Variants in XIRP2 observed in about 807,000 individuals in gnomAD.
XIRP2 encodes xin actin-binding repeat-containing protein 2.
XIRP2 carries 236 observed loss-of-function variants against 277.0 expected under a neutral mutation model. That is an observed-to-expected ratio of 0.85 (90% CI 0.77 to 0.95). XIRP2 has a LOEUF of 0.95. Among genes scored for constraint, XIRP2 ranks in the 40% least tolerant of loss-of-function variants. XIRP2 has a pLI of 0.00. For missense variants in XIRP2, 4,640 were observed against 4,157.5 expected (o/e 1.12, Z -3.19); for synonymous variants, 1,490 against 1,416.5 (o/e 1.05, Z -1.17).
At chr2:166,916,031 C>G (rs1173060709) in intron 2 of XIRP2, among the ~76,000 whole-genome samples, 1 of 152,120 alleles carries the variant, frequency 6.6e-6, no homozygotes, top group Non-Finnish European at 1.5e-5. Flanking sequence ...GACCATGAAC[C>G]TACATGTGCA....
intron 2 of XIRP2, among the ~76,000 whole-genome samples, chr2:167,036,468 C>T (rs1236263475): frequency 6.6e-6 from 1 of 152,116 alleles, no homozygotes; most frequent in African/African-American, 2.4e-5. Context: ...CCTGTAACCC[C>T]CTTTTCTTTT....
chr2:166,954,312 A>G (rs1316497844), intron 2 of XIRP2, among the ~76,000 whole-genome samples: 1 of 152,042 alleles, frequency 6.6e-6, no homozygotes, highest in Non-Finnish European at 1.5e-5. Flanking sequence ...CATTAGAAAT[A>G]TTAAGAATTA....
rs144855628 is a variant in XIRP2, at chr2:166,920,176, G to T, written c.408+16286G>T. Among the ~76,000 whole-genome samples, 367 of 152,226 alleles carry T rather than the reference G, an allele frequency of 2.4e-3. 6 individuals are homozygous for T. Among genetic ancestry groups the T allele is most frequent in the Admixed American group, 0.018 (279 of 15,284 alleles). On this transcript the variant is annotated intron_variant, in intron 2 of 10. Transcript: ENST00000409195. ...GTATCTACCAGGTACTGAGCTGAAG[G>T]CCTCATGAGCGCTGCCCTCATTTAA... is the stretch of plus-strand genomic sequence containing the variant.
intron 2 of XIRP2, among the ~76,000 whole-genome samples, chr2:167,107,820 T>C (rs1690653166): frequency 6.6e-6 from 1 of 151,724 alleles, no homozygotes; most frequent in Non-Finnish European, 1.5e-5. Context: ...TTCTAATTTT[T>C]ATTTAAAGAG....
At chr2:166,959,864 C>T (rs1276588302) in intron 2 of XIRP2, among the ~76,000 whole-genome samples, 1 of 151,686 alleles carries the variant, frequency 6.6e-6, no homozygotes, top group Non-Finnish European at 1.5e-5. Flanking sequence ...AAACACAAAG[C>T]TGACCTAGTG....
intron 5 of XIRP2, among the ~76,000 whole-genome samples, chr2:167,230,269 C>T (rs550049867): frequency 2.4e-4 from 36 of 152,202 alleles, no homozygotes; most frequent in African/African-American, 8.4e-4. Flanking sequence ...GAAGTCAGTA[C>T]TTTAGGTTGG....
At chr2:166,969,533 C>T (rs376174968) in intron 2 of XIRP2, among the ~76,000 whole-genome samples, 30 of 151,004 alleles carry the variant, frequency 2.0e-4, no homozygotes, top group South Asian at 1.9e-3. Context: ...TGAGAATAAA[C>T]GATATTACAA....
chr2:167,228,112 T>C (rs560497259), intron 5 of XIRP2, among the ~76,000 whole-genome samples: 5 of 152,290 alleles, frequency 3.3e-5, no homozygotes, highest in African/African-American at 7.2e-5. Context: ...TTTCCTGGGA[T>C]TGAAGATGTG....
At chr2:167,170,180 C>A (rs1692644474) in intron 3 of XIRP2, among the ~76,000 whole-genome samples, 1 of 151,894 alleles carries the variant, frequency 6.6e-6, no homozygotes, top group South Asian at 2.1e-4. Flanking sequence ...TAAATGATCT[C>A]TTTATTATAT....
intron 2 of XIRP2, among the ~76,000 whole-genome samples, chr2:166,969,607 A>G (rs539451055): frequency 1.3e-5 from 2 of 152,092 alleles, no homozygotes; most frequent in Admixed American, 1.3e-4. Flanking sequence ...AAGGCTTCAT[A>G]TATGACTTTT....
chr2:167,119,002 A>C (rs1026028573), intron 2 of XIRP2, among the ~76,000 whole-genome samples: 2 of 152,178 alleles, frequency 1.3e-5, no homozygotes, highest in East Asian at 3.8e-4. Flanking sequence ...GTGTTAAATG[A>C]GTTGGAAACT....
At chr2:166,969,441 T>C (rs1686516212) in intron 2 of XIRP2, among the ~76,000 whole-genome samples, 1 of 152,012 alleles carries the variant, frequency 6.6e-6, no homozygotes. Flanking sequence ...GATAAATAAC[T>C]ACTTATTAAT....
intron 2 of XIRP2, among the ~76,000 whole-genome samples, chr2:167,008,443 C>T (rs980931296): frequency 6.6e-6 from 1 of 151,474 alleles, no homozygotes; most frequent in East Asian, 1.9e-4. Flanking sequence ...CCATAAAATT[C>T]TGTCATAATA....
At chr2:167,152,091 T>C (rs559186506) in intron 3 of XIRP2, among the ~76,000 whole-genome samples, 1 of 152,244 alleles carries the variant, frequency 6.6e-6, no homozygotes, top group Admixed American at 6.6e-5. Flanking sequence ...AACTGTGTAC[T>C]TGTGTTTCAG....
chr2:167,121,852 G>A (rs952252644), intron 2 of XIRP2, among the ~76,000 whole-genome samples: 8 of 152,104 alleles, frequency 5.3e-5, no homozygotes, highest in Non-Finnish European at 4.4e-5. Flanking sequence ...CTCCTTCAGC[G>A]TAAAATTCCA....
chr2:167,007,833 G>C (rs1445142443), intron 2 of XIRP2, among the ~76,000 whole-genome samples: 1 of 151,402 alleles, frequency 6.6e-6, no homozygotes, highest in East Asian at 1.9e-4. Context: ...CATGATCAAA[G>C]TGTGTACATT....
intron 5 of XIRP2, among the ~76,000 whole-genome samples, chr2:167,220,664 C>T (rs983361999): frequency 1.3e-5 from 2 of 152,140 alleles, no homozygotes; most frequent in South Asian, 2.1e-4. Flanking sequence ...AAGAAAAAGG[C>T]TTATAGCATC....
At chr2:167,146,796 G>T (rs534950898) in intron 3 of XIRP2, among the ~76,000 whole-genome samples, 117 of 152,060 alleles carry the variant, frequency 7.7e-4, no homozygotes, top group African/African-American at 2.7e-3. Context: ...TAAATAAAAA[G>T]GGTCTATACC....
At chr2:167,189,092 C>G (rs1197862994) in intron 3 of XIRP2, among the ~76,000 whole-genome samples, 1 of 152,172 alleles carries the variant, frequency 6.6e-6, no homozygotes, top group Non-Finnish European at 1.5e-5. Context: ...TCAGTTCCAG[C>G]CTCTCCCTTT....
Sources: gnomAD v4.1 joint callset for allele counts (sites outside exome capture counted in the v4.1 genomes callset) on GRCh38, gnomAD v4.1.1 for gene constraint, MANE v1.5 for transcripts, NCBI Gene and HGNC (gene_info 2026-07-23, HGNC 2026-07-21) for gene names.